The following TMTC1 variants were observed in gnomAD, a reference collection of about 807,000 sequenced individuals.
TMTC1 encodes protein O-mannosyl-transferase TMTC1.
A neutral mutation model predicts 104.8 loss-of-function variants in TMTC1; 73 were observed. The observed-to-expected ratio is 0.70, with a 90% confidence interval of 0.58 to 0.85. The LOEUF (loss-of-function observed/expected upper bound fraction) is 0.85, where lower values mean the gene tolerates loss of function less well. TMTC1 is among the 40% of genes least tolerant of loss of function. The probability of loss-of-function intolerance (pLI) is 0.00; values close to 1 mark genes in which losing one functional copy is unlikely to be tolerated. For synonymous variants in TMTC1, 434 were observed against 428.7 expected (o/e 1.01, Z -0.15); for missense variants, 1,035 against 1,096.1 (o/e 0.94, Z 0.79).
intron 5 of TMTC1, among the ~76,000 whole-genome samples, chr12:29,650,752 C>T (rs113930015): frequency 5.3e-5 from 8 of 152,180 alleles, no homozygotes; most frequent in South Asian, 2.1e-4. Context: ...ACCTACTAAC[C>T]GATGTTGTAG....
chr12:29,730,838 A>G (rs372842297), intron 5 of TMTC1, among the ~76,000 whole-genome samples: 4 of 152,246 alleles, frequency 2.6e-5, no homozygotes, highest in African/African-American at 9.6e-5. Context: ...AATGCCATTC[A>G]GTATTTGTTC....
intron 5 of TMTC1, among the ~76,000 whole-genome samples, chr12:29,746,956 T>C (rs556675672): frequency 6.6e-6 from 1 of 152,286 alleles, no homozygotes; most frequent in East Asian, 1.9e-4. Flanking sequence ...GCCTGACACA[T>C]AGTAGGTGCT....
chr12:29,566,206 G>A (rs1275524040), intron 9 of TMTC1, among the ~76,000 whole-genome samples: 1 of 152,098 alleles, frequency 6.6e-6, no homozygotes, highest in Non-Finnish European at 1.5e-5. Context: ...GGTAAGGGGG[G>A]AAGGGTTCTA....
intron 9 of TMTC1, among the ~76,000 whole-genome samples, chr12:29,561,658 A>T (rs1386535185): frequency 2.0e-5 from 3 of 147,280 alleles, no homozygotes; most frequent in Non-Finnish European, 4.4e-5. Context: ...ATTTTATGTC[A>T]GTTATTTACT....
chr12:29,660,927 C>G (rs1268981816), intron 5 of TMTC1: 29 of 1,225,982 alleles, frequency 2.4e-5, no homozygotes, highest in Non-Finnish European at 3.1e-5. Flanking sequence ...AGTGTGTCTA[C>G]CAGACACAAT....
chr12:29,673,160 C>T (rs78123345), intron 5 of TMTC1, among the ~76,000 whole-genome samples: 12,014 of 152,210 alleles, frequency 0.079, 673 homozygotes, highest in South Asian at 0.17. Flanking sequence ...AGGGGAGATA[C>T]ATTATACTTT....
At chr12:29,722,632 A>G (rs1942267402) in intron 5 of TMTC1, among the ~76,000 whole-genome samples, 1 of 152,144 alleles carries the variant, frequency 6.6e-6, no homozygotes, top group South Asian at 2.1e-4. Flanking sequence ...AGAACTAGAA[A>G]GTTTAGGCCG....
intron 12 of TMTC1, chr12:29,519,731 A>G (rs1006159154): frequency 6.6e-6 from 1 of 152,152 alleles, no homozygotes; most frequent in Non-Finnish European, 1.5e-5. Flanking sequence ...GGTTTCTTCT[A>G]GTTTTTATAT....
rs1379167286 is a variant in TMTC1, at chr12:29,555,303, AT to A, written c.1676+1553del. 4.7e-5 allele frequency among the ~76,000 whole-genome samples: 7 copies of A among 149,876 alleles called. No homozygotes were observed. The South Asian group carries it at 1.1e-3, about 23-fold the overall frequency. ...CAGGCACAAGTCACCAGGCCCGGTA[AT>A]TTTTTTTTATTTTTTATTTATTTAT... On this transcript the variant is annotated intron_variant, in intron 10 of 17. Transcript: ENST00000539277.
intron 5 of TMTC1, among the ~76,000 whole-genome samples, chr12:29,638,799 G>A (rs1334756845): frequency 6.6e-6 from 1 of 152,156 alleles, no homozygotes; most frequent in Non-Finnish European, 1.5e-5. Flanking sequence ...CTGCCAGGGG[G>A]ATAAGGGAAC....
At chr12:29,700,265 C>G (rs1295417404) in intron 5 of TMTC1, among the ~76,000 whole-genome samples, 1 of 148,574 alleles carries the variant, frequency 6.7e-6, no homozygotes, top group East Asian at 2.0e-4. Context: ...CAGAGTCTCA[C>G]TCTGTCACCC....
At chr12:29,657,559 G>A (rs1939816344) in intron 5 of TMTC1, among the ~76,000 whole-genome samples, 1 of 132,480 alleles carries the variant, frequency 7.5e-6, no homozygotes, top group Non-Finnish European at 1.6e-5. Context: ...TTATTTCTGA[G>A]AGCATATTCA....
chr12:29,700,856 C>T (rs996932314), intron 5 of TMTC1, among the ~76,000 whole-genome samples: 4 of 152,102 alleles, frequency 2.6e-5, no homozygotes, highest in Non-Finnish European at 5.9e-5. Context: ...ATAATCAGCA[C>T]TCTGTAAAGG....
chr12:29,745,094 AT>A (rs1942917154), intron 5 of TMTC1, among the ~76,000 whole-genome samples: 1 of 151,782 alleles, frequency 6.6e-6, no homozygotes, highest in African/African-American at 2.4e-5. Context: ...CCCAACTTTA[AT>A]TTTTTTTATT....
intron 11 of TMTC1, among the ~76,000 whole-genome samples, chr12:29,521,323 G>C (rs1944150466): frequency 6.6e-6 from 1 of 152,104 alleles, no homozygotes; most frequent in Non-Finnish European, 1.5e-5. Flanking sequence ...CCACCAGACT[G>C]GTGGCTACTT....
In TMTC1 at chr12:29,529,369, T is replaced by C. The variant is rs1462491316; in HGVS notation, c.1785+6840A>G. On this transcript the variant is annotated intron_variant, in intron 11 of 17. Coordinates refer to ENST00000539277, the MANE Select transcript of TMTC1 (RefSeq NM_001193451.2). ...CCAATAGAAAAAAAAATGTTTCCAG[T>C]GCCCTGACATCGGGGTCACTATGTG... Among the ~76,000 whole-genome samples, 5 of 152,170 alleles carry C rather than the reference T, an allele frequency of 3.3e-5. No individual in the cohort carries two copies. In the East Asian group the frequency reaches 9.6e-4, roughly 29 times the overall value.
chr12:29,643,538 A>C (rs1339470128), intron 5 of TMTC1, among the ~76,000 whole-genome samples: 1 of 88,078 alleles, frequency 1.1e-5, no homozygotes, highest in Non-Finnish European at 2.0e-5. Flanking sequence ...AATATATAAT[A>C]TATATCACAT....
chr12:29,549,108 C>T (rs1300773453), intron 10 of TMTC1, among the ~76,000 whole-genome samples: 2 of 149,018 alleles, frequency 1.3e-5, no homozygotes, highest in Non-Finnish European at 3.0e-5. Context: ...TGAATATTCA[C>T]AACAGCTTTA....
intron 5 of TMTC1, among the ~76,000 whole-genome samples, chr12:29,645,822 G>A (rs74824023): frequency 0.019 from 2,835 of 152,196 alleles, 98 homozygotes; most frequent in African/African-American, 0.064. Context: ...TTAATGAACC[G>A]CATACAATAT....
Sources: gnomAD v4.1 joint callset for allele counts (sites outside exome capture counted in the v4.1 genomes callset) on GRCh38, gnomAD v4.1.1 for gene constraint, MANE v1.5 for transcripts, NCBI Gene and HGNC (gene_info 2026-07-23, HGNC 2026-07-21) for gene names.